Variants in CNBD1 observed in about 807,000 individuals in gnomAD.
CNBD1 encodes the protein cyclic nucleotide-binding domain-containing protein 1.
Under a neutral mutation model 54.4 loss-of-function variants are expected in CNBD1, and 71 were observed. The ratio of observed to expected loss-of-function variants is 1.30; its 90% CI spans 1.08 to 1.59. The LOEUF (loss-of-function observed/expected upper bound fraction) is 1.59, where lower values mean the gene tolerates loss of function less well. Ranked by LOEUF, CNBD1 falls within the 40% of genes most tolerant of loss-of-function variation. The pLI, the probability that CNBD1 is intolerant of heterozygous loss-of-function variation, is 0.00. For synonymous variants in CNBD1, 182 were observed against 170.7 expected, an observed-to-expected ratio of 1.07 and a Z score of -0.51; for missense variants, 659 against 518.0, an observed-to-expected ratio of 1.27 and a Z score of -2.64.
intron 4 of CNBD1, among the ~76,000 whole-genome samples, chr8:87,070,524 T>C (rs1333939737): frequency 6.6e-6 from 1 of 152,108 alleles, no homozygotes; most frequent in East Asian, 1.9e-4. Context: ...AAAGACAAGT[T>C]CTCTGCTCTC....
chr8:87,423,602 A>C (rs2130994992), intron 2 of CNBD1, among the ~76,000 whole-genome samples: 1 of 148,256 alleles, frequency 6.7e-6, no homozygotes, highest in Non-Finnish European at 1.5e-5. Flanking sequence ...ATATTGAACC[A>C]GCCTTGCATC....
At chr8:86,993,954 A>G (rs933367045) in intron 4 of CNBD1, among the ~76,000 whole-genome samples, 1 of 152,032 alleles carries the variant, frequency 6.6e-6, no homozygotes, top group Non-Finnish European at 1.5e-5. Flanking sequence ...CCTTTGTTAG[A>G]TGTTCTGGAC....
intron 10 of CNBD1, among the ~76,000 whole-genome samples, chr8:87,354,130 G>T (rs1045776182): frequency 1.3e-5 from 2 of 152,140 alleles, no homozygotes; most frequent in Admixed American, 6.5e-5. Context: ...AACCAGCCCT[G>T]CTCTGTGTCC....
intron 4 of CNBD1, among the ~76,000 whole-genome samples, chr8:87,059,419 A>G (rs1418513861): frequency 6.6e-6 from 1 of 152,198 alleles, no homozygotes; most frequent in African/African-American, 2.4e-5. Context: ...AATTTACTGT[A>G]TTAGTTTCTT....
chr8:87,256,015 A>ATATATT (rs1563526157), intron 6 of CNBD1, among the ~76,000 whole-genome samples: 13 of 15,778 alleles, frequency 8.2e-4, no homozygotes, highest in African/African-American at 2.8e-3. Flanking sequence ...ATATATATAT[A>ATATATT]TTTTTTTTTT....
At chr8:87,183,381 GTTTGT>G (rs1365566669) in intron 4 of CNBD1, among the ~76,000 whole-genome samples, 16 of 73,432 alleles carry the variant, frequency 2.2e-4, no homozygotes, top group Admixed American at 1.1e-3. Flanking sequence ...TTTTTGCGCT[GTTTGT>G]TTTTTTTTTT....
intron 10 of CNBD1, among the ~76,000 whole-genome samples, chr8:87,382,279 G>T (rs537713957): frequency 2.0e-5 from 3 of 151,948 alleles, no homozygotes; most frequent in South Asian, 4.1e-4. Context: ...ATGAAACAAT[G>T]ACTGCCAACA....
At chr8:86,906,984 T>A (rs1457760854) in intron 3 of CNBD1, among the ~76,000 whole-genome samples, 1 of 152,196 alleles carries the variant, frequency 6.6e-6, no homozygotes, top group Admixed American at 6.5e-5. Context: ...GCCAATAAAA[T>A]TAGCTTAAGA....
At chr8:87,027,632 T>C (rs1263393284) in intron 4 of CNBD1, among the ~76,000 whole-genome samples, 1 of 152,132 alleles carries the variant, frequency 6.6e-6, no homozygotes, top group Non-Finnish European at 1.5e-5. Flanking sequence ...GTCCAAAAAG[T>C]ACCACAGAAG....
At chr8:87,054,166 C>T (rs1810367407) in intron 4 of CNBD1, among the ~76,000 whole-genome samples, 1 of 152,148 alleles carries the variant, frequency 6.6e-6, no homozygotes, top group African/African-American at 2.4e-5. Flanking sequence ...TAATAAGTCT[C>T]CCCAGGGAAA....
Position 86,978,762 on chromosome 8 carries a change from G to A in CNBD1, c.431+39008G>A, listed in dbSNP as rs200999604. Among the ~76,000 whole-genome samples, 7 of 151,810 alleles carry A rather than the reference G, an allele frequency of 4.6e-5. No individual in the cohort carries two copies. The East Asian group carries it at 7.8e-4, about 17-fold the overall frequency. ...TTCTCCATGTTGGTCTCGAACTCCC[G>A]ACCTCAGGCGATCCACCTGCCTCAG... is the stretch of plus-strand genomic sequence containing the variant. On this transcript the variant is annotated intron_variant, in intron 4 of 10. Transcript: ENST00000518476.
At chr8:87,220,826 T>C (rs1814317611) in intron 5 of CNBD1, among the ~76,000 whole-genome samples, 1 of 150,390 alleles carries the variant, frequency 6.6e-6, no homozygotes, top group Non-Finnish European at 1.5e-5. Flanking sequence ...TTTCTAAAGT[T>C]AAAAGTAATG....
intron 2 of CNBD1, among the ~76,000 whole-genome samples, chr8:87,428,144 G>A (rs1033356): frequency 0.57 from 84,256 of 148,790 alleles, 25,210 homozygotes; most frequent in African/African-American, 0.77. Flanking sequence ...CCAAAAAAAA[G>A]GCAAAAAAAG....
At chr8:87,081,507 T>C (rs1810991129) in intron 4 of CNBD1, among the ~76,000 whole-genome samples, 1 of 142,076 alleles carries the variant, frequency 7.0e-6, no homozygotes, top group Non-Finnish European at 1.6e-5. Flanking sequence ...TTTTTTTTGT[T>C]TTTGTTTTTT....
Position 87,284,797 on chromosome 8 carries a change from A to T in CNBD1, c.891A>T (p.Gly297=). 1 of 1,585,718 alleles carries T rather than the reference A, an allele frequency of 6.3e-7. No individual in the cohort carries two copies. Among genetic ancestry groups the T allele is most frequent in the Non-Finnish European group, 8.6e-7 (1 of 1,165,568 alleles). Residue 297 remains glycine, a synonymous_variant, in exon 7 of 11, where the codon GGA becomes GGT. Transcript: ENST00000518476. ...DCEILKIPAK[G]YAKIKEEKIK... ...AAATTCTTAAAATCCCAGCAAAGGG[A>T]TATGCAAAGATAAAGGAGGTAAGAT...
chr8:87,325,086 G>T (rs1368625052), intron 8 of CNBD1, among the ~76,000 whole-genome samples: 1 of 97,316 alleles, frequency 1.0e-5, no homozygotes, highest in East Asian at 2.1e-4. Context: ...GGAGCAGGTT[G>T]TTCAGTTTCC....
chr8:87,222,285 A>C (rs1814356866), intron 5 of CNBD1, among the ~76,000 whole-genome samples: 1 of 152,152 alleles, frequency 6.6e-6, no homozygotes, highest in African/African-American at 2.4e-5. Context: ...GGGGATCATT[A>C]ATTAAGCTTT....
At chr8:86,916,250 G>A (rs779021909) in intron 3 of CNBD1, among the ~76,000 whole-genome samples, 1 of 152,124 alleles carries the variant, frequency 6.6e-6, no homozygotes, top group Non-Finnish European at 1.5e-5. Flanking sequence ...GTATTAAAAA[G>A]TTTCAGAGCA....
At chr8:86,930,122 G>A (rs957458919) in intron 3 of CNBD1, among the ~76,000 whole-genome samples, 7 of 152,108 alleles carry the variant, frequency 4.6e-5, no homozygotes, top group Admixed American at 1.3e-4. Context: ...TGGCCATCTC[G>A]CTGTATCCAG....
Sources: gnomAD v4.1 joint callset for allele counts (sites outside exome capture counted in the v4.1 genomes callset) on GRCh38, gnomAD v4.1.1 for gene constraint, MANE v1.5 for transcripts, NCBI Gene and HGNC (gene_info 2026-07-23, HGNC 2026-07-21) for gene names.